The following DLGAP1 variants were observed in gnomAD, a reference collection of about 807,000 sequenced individuals.
The protein encoded by DLGAP1 is DLG associated protein 1.
Under a neutral mutation model 90.8 loss-of-function variants are expected in DLGAP1, and 11 were observed. The observed-to-expected ratio is 0.12, with a 90% confidence interval of 0.08 to 0.20. The LOEUF (loss-of-function observed/expected upper bound fraction) is 0.20, where lower values mean the gene tolerates loss of function less well. DLGAP1 is among the 10% of genes least tolerant of loss of function. The pLI is 1.00. For missense variants in DLGAP1, 1,050 were observed against 1,333.8 expected, an observed-to-expected ratio of 0.79 and a Z score of 3.31; for synonymous variants, 558 against 540.7, an observed-to-expected ratio of 1.03 and a Z score of -0.44.
chr18:3,718,579 T>C (rs2061842942), intron 7 of DLGAP1, among the ~76,000 whole-genome samples: 1 of 152,120 alleles, frequency 6.6e-6, no homozygotes, highest in Admixed American at 6.6e-5. Context: ...TTGTGGCCAT[T>C]TGTGTCACTG....
intron 1 of DLGAP1, among the ~76,000 whole-genome samples, chr18:4,251,570 C>T (rs2078779099): frequency 6.6e-6 from 1 of 152,180 alleles, no homozygotes; most frequent in Admixed American, 6.5e-5. Flanking sequence ...CAGTTTATCT[C>T]ATATAAAATC....
At chr18:4,070,514 AT>A (rs1239639310) in intron 2 of DLGAP1, among the ~76,000 whole-genome samples, 2 of 72,506 alleles carry the variant, frequency 2.8e-5, no homozygotes, top group African/African-American at 9.8e-5. Flanking sequence ...ATAAAAGTAT[AT>A]TTTTTTTGCA....
At chr18:4,332,015 A>G (rs1020021295) in intron 1 of DLGAP1, among the ~76,000 whole-genome samples, 2 of 151,936 alleles carry the variant, frequency 1.3e-5, no homozygotes, top group South Asian at 2.1e-4. Flanking sequence ...TCACTCCAGG[A>G]AAGTGCAAAT....
chr18:3,672,879 AC>A (rs1286183752), intron 7 of DLGAP1, among the ~76,000 whole-genome samples: 1 of 151,854 alleles, frequency 6.6e-6, no homozygotes, highest in Non-Finnish European at 1.5e-5. Flanking sequence ...GGATTCCTAC[AC>A]CTGTTCTTTC....
At chr18:4,281,349 G>A (rs1262823102) in intron 1 of DLGAP1, among the ~76,000 whole-genome samples, 2 of 151,976 alleles carry the variant, frequency 1.3e-5, no homozygotes, top group African/African-American at 2.4e-5. Context: ...AAAGGAGTTC[G>A]CAATCAGCCT....
At chr18:3,677,979 T>TTGG (rs2060372546) in intron 7 of DLGAP1, among the ~76,000 whole-genome samples, 1 of 84,732 alleles carries the variant, frequency 1.2e-5, no homozygotes, top group East Asian at 3.1e-4. Flanking sequence ...TTTTTTTTTT[T>TTGG]GAGATGGAGT....
chr18:3,712,399 C>T (rs1000634701), intron 7 of DLGAP1, among the ~76,000 whole-genome samples: 3 of 152,064 alleles, frequency 2.0e-5, no homozygotes, highest in African/African-American at 7.2e-5. Flanking sequence ...TAGCACTTGG[C>T]CGAGGCCTAG....
At chr18:3,710,475 T>A (rs2061564910) in intron 7 of DLGAP1, among the ~76,000 whole-genome samples, 1 of 152,242 alleles carries the variant, frequency 6.6e-6, no homozygotes, top group Non-Finnish European at 1.5e-5. Flanking sequence ...TCTGGTCTAA[T>A]GTTCTCCCCA....
intron 2 of DLGAP1, among the ~76,000 whole-genome samples, chr18:4,011,175 C>CA (rs35493947): frequency 0.01 from 974 of 96,804 alleles, 5 homozygotes; most frequent in Admixed American, 0.015. Flanking sequence ...GATTCCGCCT[C>CA]AAAAAAAAAA....
chr18:3,917,286 G>A (rs895321681), intron 3 of DLGAP1, among the ~76,000 whole-genome samples: 1 of 152,162 alleles, frequency 6.6e-6, no homozygotes, highest in African/African-American at 2.4e-5. Context: ...AAGCAAATGC[G>A]GTGTTTGTTA....
chr18:3,802,255 T>C (rs1279900819), intron 5 of DLGAP1, among the ~76,000 whole-genome samples: 2 of 152,092 alleles, frequency 1.3e-5, no homozygotes, highest in Non-Finnish European at 2.9e-5. Flanking sequence ...AGTGTTGGGA[T>C]TACAGGCATG....
intron 1 of DLGAP1, among the ~76,000 whole-genome samples, chr18:4,263,358 T>G (rs907367792): frequency 6.2e-4 from 94 of 152,334 alleles, no homozygotes; most frequent in African/African-American, 2.2e-3. Flanking sequence ...TGCTTTTAAT[T>G]ACCAAAAATG....
intron 1 of DLGAP1, among the ~76,000 whole-genome samples, chr18:4,265,698 T>TTCCTTCCTTCCTTCCC (rs1568480430): frequency 8.5e-6 from 1 of 118,020 alleles, no homozygotes; most frequent in African/African-American, 3.8e-5. Context: ...CCTTCCTTCC[T>TTCCTTCCTTCCTTCCC]TCCCTCCTCT....
At chr18:4,138,535 TGC>T (rs1480614866) in intron 2 of DLGAP1, among the ~76,000 whole-genome samples, 2 of 152,114 alleles carry the variant, frequency 1.3e-5, no homozygotes, top group African/African-American at 4.8e-5. Context: ...GAGTTTGGAT[TGC>T]TAGCATTTCA....
chr18:3,966,463 C>T (rs1311666751), intron 3 of DLGAP1, among the ~76,000 whole-genome samples: 2 of 151,988 alleles, frequency 1.3e-5, no homozygotes, highest in African/African-American at 4.8e-5. Flanking sequence ...AGAGTGGGAA[C>T]TGAGGAATGA....
At chr18:3,812,826 T>C (rs1269251026) in intron 5 of DLGAP1, among the ~76,000 whole-genome samples, 1 of 152,236 alleles carries the variant, frequency 6.6e-6, no homozygotes, top group Admixed American at 6.5e-5. Flanking sequence ...ATTGGGTTTG[T>C]TTTCCTTAAC....
intron 7 of DLGAP1, among the ~76,000 whole-genome samples, chr18:3,717,937 G>C (rs888274641): frequency 6.6e-6 from 1 of 152,166 alleles, no homozygotes. Context: ...AGACTGCTAC[G>C]TGCCAAAGTC....
chr18:3,800,065 G>A (rs918338040), intron 5 of DLGAP1, among the ~76,000 whole-genome samples: 2 of 152,232 alleles, frequency 1.3e-5, no homozygotes, highest in South Asian at 2.1e-4. Flanking sequence ...ACTCAACCCC[G>A]AGTGGCATAG....
intron 1 of DLGAP1, among the ~76,000 whole-genome samples, chr18:4,221,255 G>C (rs2078070381): frequency 6.6e-6 from 1 of 151,850 alleles, no homozygotes; most frequent in African/African-American, 2.4e-5. Context: ...TGAATCCCTT[G>C]CCTGTTATAA....
Sources: gnomAD v4.1 joint callset for allele counts (sites outside exome capture counted in the v4.1 genomes callset) on GRCh38, gnomAD v4.1.1 for gene constraint, MANE v1.5 for transcripts, NCBI Gene and HGNC (gene_info 2026-07-23, HGNC 2026-07-21) for gene names.